The following STXBP4 variants were observed in gnomAD, a reference collection of about 807,000 sequenced individuals.
The protein encoded by STXBP4 is syntaxin-binding protein 4.
A neutral mutation model predicts 76.1 loss-of-function variants in STXBP4; 55 were observed. That is an observed-to-expected ratio of 0.72 (90% CI 0.58 to 0.91). STXBP4 has a LOEUF of 0.91. Among genes scored for constraint, STXBP4 ranks in the 40% least tolerant of loss-of-function variants. STXBP4 has a pLI of 0.00. For missense variants in STXBP4, 618 were observed against 636.9 expected, an observed-to-expected ratio of 0.97 and a Z score of 0.32; for synonymous variants, 201 against 220.2, an observed-to-expected ratio of 0.91 and a Z score of 0.77.
chr17:55,177,302 T>A (rs183728751), downstream of STXBP4, among the ~76,000 whole-genome samples: 1 of 152,290 alleles, frequency 6.6e-6, no homozygotes, highest in East Asian at 1.9e-4. Context: ...GTCCCTTCTC[T>A]GGCTGTAACA....
intron 12 of STXBP4, among the ~76,000 whole-genome samples, chr17:55,069,153 CAAAA>C (rs991465831): frequency 2.6e-5 from 2 of 75,798 alleles, no homozygotes; most frequent in African/African-American, 4.2e-5. Flanking sequence ...TCAGTGTTGC[CAAAA>C]AAAAAAAAAA....
intron 12 of STXBP4, among the ~76,000 whole-genome samples, chr17:55,070,215 T>C (rs1006219546): frequency 1.3e-5 from 2 of 152,200 alleles, no homozygotes; most frequent in Non-Finnish European, 2.9e-5. Context: ...TGTGCATCAA[T>C]GTCCTGTCTA....
intron 7 of STXBP4, among the ~76,000 whole-genome samples, chr17:55,006,927 T>G (rs1389983009): frequency 2.6e-5 from 4 of 152,202 alleles, no homozygotes; most frequent in Non-Finnish European, 4.4e-5. Context: ...AGTGGTGGGA[T>G]GTATGTTTGT....
chr17:55,069,208 C>T (rs907617862), intron 12 of STXBP4, among the ~76,000 whole-genome samples: 14 of 150,960 alleles, frequency 9.3e-5, no homozygotes, highest in Admixed American at 9.3e-4. Context: ...TCAGGATTCC[C>T]TTCTAGTATG....
At chr17:55,117,223 C>T (rs908754641) in intron 16 of STXBP4, among the ~76,000 whole-genome samples, 2 of 151,714 alleles carry the variant, frequency 1.3e-5, no homozygotes, top group African/African-American at 4.8e-5. Flanking sequence ...CCTGCTATTA[C>T]AGTCTACCAT....
At chr17:55,000,266 A>T in intron 6 of STXBP4, 1 of 985,364 alleles carries the variant, frequency 1.0e-6, no homozygotes, top group African/African-American at 1.7e-5. Flanking sequence ...CTAAGAAGGT[A>T]TTGCTCCTTC....
At chr17:55,009,131 T>A (rs2078058909) in intron 8 of STXBP4, among the ~76,000 whole-genome samples, 1 of 152,172 alleles carries the variant, frequency 6.6e-6, no homozygotes. Flanking sequence ...TGCTTCGTGC[T>A]CCATAAAATT....
chr17:55,067,374 G>A (rs2079065852), intron 12 of STXBP4, among the ~76,000 whole-genome samples: 1 of 152,158 alleles, frequency 6.6e-6, no homozygotes, highest in African/African-American at 2.4e-5. Flanking sequence ...TGAAATCTGA[G>A]ATAGATTTTG....
intron 4 of STXBP4, among the ~76,000 whole-genome samples, chr17:54,996,818 G>C (rs573854575): frequency 6.6e-6 from 1 of 152,338 alleles, no homozygotes; most frequent in Non-Finnish European, 1.5e-5. Flanking sequence ...GAATTAGGCT[G>C]TATAGATGGT....
At chr17:55,029,061 G>A (rs1473562378) in intron 8 of STXBP4, among the ~76,000 whole-genome samples, 1 of 146,564 alleles carries the variant, frequency 6.8e-6, no homozygotes, top group Admixed American at 6.8e-5. Context: ...AAAAAAAAAA[G>A]CAGATTGGAG....
chr17:55,178,535 C>A (rs2080439005), downstream of STXBP4, among the ~76,000 whole-genome samples: 1 of 152,164 alleles, frequency 6.6e-6, no homozygotes, highest in African/African-American at 2.4e-5. Context: ...TGCTATACTG[C>A]AATCACTTAC....
At chr17:55,072,517 A>G (rs2079133208) in intron 12 of STXBP4, among the ~76,000 whole-genome samples, 1 of 152,108 alleles carries the variant, frequency 6.6e-6, no homozygotes, top group African/African-American at 2.4e-5. Flanking sequence ...GCATCTGATG[A>G]CCCTACAAGA....
chr17:55,034,911 A>T (rs193191016), intron 10 of STXBP4, among the ~76,000 whole-genome samples: 2 of 152,128 alleles, frequency 1.3e-5, no homozygotes, highest in East Asian at 3.9e-4. Context: ...ATATTATTGA[A>T]TATTTTAGTC....
chr17:55,075,524 T>C (rs775690227), intron 13 of STXBP4, among the ~76,000 whole-genome samples: 4 of 152,136 alleles, frequency 2.6e-5, no homozygotes, highest in Non-Finnish European at 4.4e-5. Context: ...ACATGTGTAA[T>C]AGTTACCTGC....
intron 16 of STXBP4, among the ~76,000 whole-genome samples, chr17:55,094,563 G>A (rs1347916366): frequency 2.0e-5 from 3 of 152,112 alleles, no homozygotes; most frequent in Admixed American, 6.5e-5. Flanking sequence ...CTGAAATTCG[G>A]TGTTAATTTT....
intron 16 of STXBP4, among the ~76,000 whole-genome samples, chr17:55,129,738 G>A (rs893220392): frequency 3.9e-5 from 6 of 152,110 alleles, no homozygotes; most frequent in Non-Finnish European, 8.8e-5. Context: ...TTTAGACATT[G>A]TATAAAATAA....
rs115774837 is a variant in STXBP4, at chr17:55,003,525, A to G, written c.574+2642A>G. On this transcript the variant is annotated intron_variant, in intron 7 of 17. Transcript: ENST00000376352. The stretch of plus-strand genomic sequence containing the variant: ...ATATACATTGTGATTTGCATATTAT[A>G]AGTACCTAATTATAGATTGTTACAA... 6.2e-3 allele frequency among the ~76,000 whole-genome samples: 950 copies of G among 152,282 alleles called. 12 individuals carry two copies. The highest frequency in any genetic ancestry group is 0.021 in the African/African-American group (892 of 41,562).
rs1270309963 is a variant in STXBP4 at position 55,069,830 on chromosome 17, G to A, written c.1012-3070G>A. 2.0e-5 allele frequency among the ~76,000 whole-genome samples: 3 copies of A among 152,206 alleles called. No homozygotes were observed. In the East Asian group the frequency reaches 5.8e-4, roughly 29 times the overall value. ...TTCTTTGAACAAAAATAAAAGTGCT[G>A]TTTTTATAGAGGAATAAAAGCTGCA... On this transcript the variant is annotated intron_variant, in intron 12 of 17. Transcript: ENST00000376352.
intron 16 of STXBP4, among the ~76,000 whole-genome samples, chr17:55,140,568 A>G (rs1367453739): frequency 2.0e-5 from 3 of 152,154 alleles, no homozygotes; most frequent in African/African-American, 7.2e-5. Context: ...ATGTAGGAGA[A>G]TGTGGCTGCC....
Sources: allele counts gnomAD v4.1 joint callset (sites outside exome capture counted in the v4.1 genomes callset), GRCh38; gene constraint gnomAD v4.1.1; transcripts MANE v1.5; gene names NCBI Gene and HGNC (gene_info 2026-07-23, HGNC 2026-07-21).